Variants in SEMA3C observed in about 807,000 individuals in gnomAD.
SEMA3C encodes the protein semaphorin-3C.
SEMA3C carries 47 observed loss-of-function variants against 89.4 expected under a neutral mutation model. The ratio of observed to expected loss-of-function variants is 0.53; its 90% confidence interval spans 0.42 to 0.67. The LOEUF is 0.67. Among genes scored for constraint, SEMA3C ranks in the 30% least tolerant of loss-of-function variants. The pLI, the probability that SEMA3C is intolerant of heterozygous loss-of-function variation, is 0.00. For missense variants in SEMA3C, 839 were observed against 929.1 expected (o/e 0.90, Z 1.26); for synonymous variants, 310 against 320.2 (o/e 0.97, Z 0.34).
At chr7:80,839,766 A>G (rs1438747842) in intron 2 of SEMA3C, among the ~76,000 whole-genome samples, 2 of 152,010 alleles carry the variant, frequency 1.3e-5, no homozygotes, top group Admixed American at 6.6e-5. Flanking sequence ...ATGACCTGAC[A>G]TGGTATATCA....
intron 15 of SEMA3C, among the ~76,000 whole-genome samples, chr7:80,755,627 T>C (rs1788048495): frequency 6.6e-6 from 1 of 151,960 alleles, no homozygotes; most frequent in African/African-American, 2.4e-5. Context: ...ATCTGCTTAA[T>C]AGATTGAAGA....
At chr7:80,812,844 T>C (rs1583901769) in intron 5 of SEMA3C, among the ~76,000 whole-genome samples, 1 of 152,082 alleles carries the variant, frequency 6.6e-6, no homozygotes, top group South Asian at 2.1e-4. Flanking sequence ...TGAAGTGCAG[T>C]GGTGCGATCT....
intron 11 of SEMA3C, chr7:80,793,497 G>T (rs1583882930): frequency 2.2e-6 from 1 of 450,964 alleles, no homozygotes; most frequent in East Asian, 7.0e-5. Flanking sequence ...AAGTATTCTA[G>T]TAAGAAAGAT....
At chr7:80,874,135 C>T (rs115686936) in intron 2 of SEMA3C, among the ~76,000 whole-genome samples, 1 of 152,126 alleles carries the variant, frequency 6.6e-6, no homozygotes, top group Non-Finnish European at 1.5e-5. Context: ...GAGCTTTTCA[C>T]AGTAAGTTAT....
intron 2 of SEMA3C, among the ~76,000 whole-genome samples, chr7:80,873,056 G>A (rs1296059335): frequency 1.3e-5 from 2 of 152,020 alleles, no homozygotes; most frequent in Non-Finnish European, 2.9e-5. Context: ...ACTGGAAGAA[G>A]GGAACAAAGG....
At chr7:80,796,663 T>C (rs1006728503) in intron 11 of SEMA3C, 1 of 152,220 alleles carries the variant, frequency 6.6e-6, no homozygotes, top group Admixed American at 6.5e-5. Flanking sequence ...AAGGATAATA[T>C]AAATTCTGTG....
chr7:80,815,573 A>AAAAAAAAAAAAAAAAAAAAAAT (rs1789585178), intron 5 of SEMA3C, among the ~76,000 whole-genome samples: 1 of 146,606 alleles, frequency 6.8e-6, no homozygotes, highest in South Asian at 2.1e-4. Flanking sequence ...AAAAAAAAAA[A>AAAAAAAAAAAAAAAAAAAAAAT]GTAAATGTAG....
At chr7:80,916,429 G>A (rs1029164926) in intron 2 of SEMA3C, among the ~76,000 whole-genome samples, 3 of 152,162 alleles carry the variant, frequency 2.0e-5, no homozygotes, top group African/African-American at 7.2e-5. Flanking sequence ...ACACAGGCAA[G>A]CACAGAAGAA....
At chr7:80,765,446 T>G (rs537480561) in intron 12 of SEMA3C, among the ~76,000 whole-genome samples, 5 of 152,332 alleles carry the variant, frequency 3.3e-5, no homozygotes, top group African/African-American at 1.2e-4. Context: ...GGAACTAATA[T>G]GAATATCTTA....
At chr7:80,909,208 A>G (rs1792088499) in intron 2 of SEMA3C, among the ~76,000 whole-genome samples, 1 of 152,192 alleles carries the variant, frequency 6.6e-6, no homozygotes, top group Non-Finnish European at 1.5e-5. Context: ...AAAATAATTT[A>G]GAAGTTGCTT....
At chr7:80,804,304 T>A in intron 7 of SEMA3C, 56 bp from the exon 8 acceptor site, 1 of 1,326,876 alleles carries the variant, frequency 7.5e-7, no homozygotes, top group Non-Finnish European at 1.0e-6. Context: ...CCATCTTCTG[T>A]CATCCAAGTA....
intron 2 of SEMA3C, among the ~76,000 whole-genome samples, chr7:80,897,116 C>A (rs2116177297): frequency 6.6e-6 from 1 of 152,252 alleles, no homozygotes; most frequent in East Asian, 1.9e-4. Flanking sequence ...CAATTCTACT[C>A]AATTCTTCTC....
At chr7:80,920,516 A>G (rs943240116), upstream of SEMA3C, among the ~76,000 whole-genome samples, 1 of 152,186 alleles carries the variant, frequency 6.6e-6, no homozygotes, top group Non-Finnish European at 1.5e-5. Flanking sequence ...CACATCTTTC[A>G]TGTGTCTGGG....
chr7:80,893,618 T>C (rs1269429307), intron 2 of SEMA3C, among the ~76,000 whole-genome samples: 3 of 152,000 alleles, frequency 2.0e-5, no homozygotes, highest in African/African-American at 4.8e-5. Context: ...TCAAATACAG[T>C]AGGTGCTCAA....
At chr7:80,852,986 C>T (rs1790552046) in intron 2 of SEMA3C, among the ~76,000 whole-genome samples, 1 of 151,940 alleles carries the variant, frequency 6.6e-6, no homozygotes, top group Admixed American at 6.6e-5. Context: ...ACTGAATAGA[C>T]ATTTTTCAAA....
intron 2 of SEMA3C, among the ~76,000 whole-genome samples, chr7:80,916,261 C>T (rs953770612): frequency 6.6e-6 from 1 of 152,086 alleles, no homozygotes; most frequent in Non-Finnish European, 1.5e-5. Flanking sequence ...GAGACTAATG[C>T]CCAAAAAATT....
At chr7:80,751,150 T>G in intron 16 of SEMA3C, 119 bp downstream of exon 16, 1 of 767,070 alleles carries the variant, frequency 1.3e-6, no homozygotes. Context: ...CCAGAATTGT[T>G]ATAATAAATA....
intron 11 of SEMA3C, among the ~76,000 whole-genome samples, 162 bp downstream of exon 11, chr7:80,797,930 G>A (rs1050104200): frequency 8.5e-5 from 13 of 152,186 alleles, no homozygotes; most frequent in East Asian, 7.7e-4. Flanking sequence ...CCCGGGAGGC[G>A]GAGGGTGAGG....
intron 2 of SEMA3C, among the ~76,000 whole-genome samples, chr7:80,899,004 C>T (rs1791808878): frequency 6.6e-6 from 1 of 152,016 alleles, no homozygotes; most frequent in African/African-American, 2.4e-5. Flanking sequence ...TTGTTGAATC[C>T]CTTCACTAAA....
Sources: allele counts gnomAD v4.1 joint callset (sites outside exome capture counted in the v4.1 genomes callset), GRCh38; gene constraint gnomAD v4.1.1; transcripts MANE v1.5; gene names NCBI Gene and HGNC (gene_info 2026-07-23, HGNC 2026-07-21).